The following ZDHHC2 variants were observed in gnomAD, a reference collection of about 807,000 sequenced individuals.
ZDHHC2 encodes palmitoyltransferase ZDHHC2.
ZDHHC2 carries 51 observed loss-of-function variants against 55.6 expected under a neutral mutation model. The ratio of observed to expected loss-of-function variants is 0.92; its 90% confidence interval spans 0.73 to 1.16. The LOEUF is 1.16. Among genes scored for constraint, ZDHHC2 ranks in the 50% most tolerant of loss-of-function variants. The pLI, the probability that ZDHHC2 is intolerant of heterozygous loss-of-function variation, is 0.00. For synonymous variants in ZDHHC2, 199 were observed against 152.9 expected, an observed-to-expected ratio of 1.30 and a Z score of -2.22; for missense variants, 491 against 442.4, an observed-to-expected ratio of 1.11 and a Z score of -0.99.
intron 3 of ZDHHC2, among the ~76,000 whole-genome samples, chr8:17,190,273 G>C (rs545507605): frequency 4.0e-4 from 61 of 151,682 alleles, no homozygotes; most frequent in African/African-American, 1.4e-3. Context: ...AAAAAGAAAA[G>C]AAAAGAATAT....
In ZDHHC2 at chr8:17,156,514, C is replaced by A; in HGVS notation, c.-210C>A. The A allele has an allele frequency of 5.2e-6, 1 of 190,868 alleles. No individual in the cohort carries two copies. The highest frequency in any genetic ancestry group is 1.6e-4 in the South Asian group (1 of 6,240). The allele number at this position is 190,868 out of a possible 1,614,324, so 11.8% of individuals were successfully genotyped here. ...CGGCCTCCGCTCGCAGCCGCCGCCT[C>A]CGCCTCCGCCGGGCTGAGGAGCCGG... On this transcript the variant is annotated 5_prime_UTR_variant, in exon 1 of 13. Transcript: ENST00000262096.
chr8:17,195,771 G>A (rs766107546), intron 4 of ZDHHC2, 147 bp downstream of exon 4: 2 of 1,128,246 alleles, frequency 1.8e-6, no homozygotes, highest in South Asian at 1.5e-5. Flanking sequence ...AATCTTTCCT[G>A]TGTGATTCCA....
chr8:17,196,401 C>T (rs1209750425), intron 4 of ZDHHC2, among the ~76,000 whole-genome samples: 1 of 151,890 alleles, frequency 6.6e-6, no homozygotes, highest in Non-Finnish European at 1.5e-5. Flanking sequence ...TAAAATATCT[C>T]ATTAATGAAC....
chr8:17,199,142 G>A (rs2904671), intron 6 of ZDHHC2, among the ~76,000 whole-genome samples: 96,237 of 151,958 alleles, frequency 0.63, 30,647 homozygotes, highest in East Asian at 0.78. Flanking sequence ...CATGCCCACA[G>A]GTCCACAGTA....
At chr8:17,188,472 C>T (rs1200318818) in intron 3 of ZDHHC2, among the ~76,000 whole-genome samples, 1 of 152,100 alleles carries the variant, frequency 6.6e-6, no homozygotes, top group Non-Finnish European at 1.5e-5. Flanking sequence ...ATTTCCTTTC[C>T]AAAATATTCT....
At chr8:17,178,517 T>C (rs976893809) in intron 1 of ZDHHC2, among the ~76,000 whole-genome samples, 1 of 152,240 alleles carries the variant, frequency 6.6e-6, no homozygotes, top group African/African-American at 2.4e-5. Flanking sequence ...TTGCAGTCCA[T>C]ACTTTCCCTG....
intron 3 of ZDHHC2, among the ~76,000 whole-genome samples, chr8:17,188,451 A>G (rs1332547560): frequency 1.3e-5 from 2 of 152,196 alleles, no homozygotes; most frequent in Non-Finnish European, 1.5e-5. Context: ...TCCTGTATAC[A>G]ACATGGCATT....
chr8:17,210,618 A>G (rs1807332622), intron 10 of ZDHHC2, 138 bp downstream of exon 10: 1 of 670,866 alleles, frequency 1.5e-6, no homozygotes, highest in Non-Finnish European at 2.4e-6. Flanking sequence ...AAATGAGGGA[A>G]AAAAGAAAGT....
At chr8:17,159,514 G>A (rs992569749) in intron 1 of ZDHHC2, among the ~76,000 whole-genome samples, 1 of 152,074 alleles carries the variant, frequency 6.6e-6, no homozygotes, top group African/African-American at 2.4e-5. Flanking sequence ...GCTTATCCTG[G>A]TATCCTTGGA....
chr8:17,192,940 T>C (rs1244463252), intron 3 of ZDHHC2, among the ~76,000 whole-genome samples: 2 of 152,214 alleles, frequency 1.3e-5, no homozygotes, highest in East Asian at 1.9e-4. Flanking sequence ...GATGTAAGGA[T>C]TTGTTTCTGG....
At chr8:17,156,914 G>C (rs181813734) in intron 1 of ZDHHC2, 61 bp downstream of exon 1, 11 of 1,418,042 alleles carry the variant, frequency 7.8e-6, no homozygotes, top group Non-Finnish European at 1.0e-5. Context: ...ACTGTCCCGG[G>C]ACGCTCAGCC....
chr8:17,169,389 G>C (rs1447475710), intron 1 of ZDHHC2, among the ~76,000 whole-genome samples: 1 of 152,142 alleles, frequency 6.6e-6, no homozygotes, highest in Non-Finnish European at 1.5e-5. Context: ...GGCATGCCCA[G>C]GGCAGAAAAC....
chr8:17,207,429 T>C (rs1469452448), intron 7 of ZDHHC2, among the ~76,000 whole-genome samples: 1 of 152,070 alleles, frequency 6.6e-6, no homozygotes, highest in Admixed American at 6.5e-5. Context: ...TGCTATTATT[T>C]AAGATAGCTT....
intron 3 of ZDHHC2, among the ~76,000 whole-genome samples, chr8:17,193,847 C>T (rs189250472): frequency 4.6e-4 from 70 of 152,196 alleles, no homozygotes; most frequent in Non-Finnish European, 7.4e-4. Context: ...TATACACGTG[C>T]CATGGTGATT....
intron 1 of ZDHHC2, among the ~76,000 whole-genome samples, chr8:17,164,548 G>T (rs899002340): frequency 2.4e-4 from 37 of 151,724 alleles, no homozygotes; most frequent in African/African-American, 9.0e-4. Context: ...CACCCCAGAG[G>T]AACAGAGTGG....
At chr8:17,183,586 G>A (rs552726144) in intron 1 of ZDHHC2, among the ~76,000 whole-genome samples, 6 of 152,290 alleles carry the variant, frequency 3.9e-5, no homozygotes, top group African/African-American at 9.6e-5. Flanking sequence ...CCACATCTAC[G>A]TTAGTAAGAG....
chr8:17,219,456 GGTATA>G (rs1563173820), intron 12 of ZDHHC2, among the ~76,000 whole-genome samples: 39 of 151,556 alleles, frequency 2.6e-4, no homozygotes, highest in African/African-American at 9.4e-4. Context: ...CCTATCATAT[GGTATA>G]AATAAAAAAT....
chr8:17,220,020 A>T (rs1455055363), intron 12 of ZDHHC2, among the ~76,000 whole-genome samples: 1 of 108,470 alleles, frequency 9.2e-6, no homozygotes, highest in Non-Finnish European at 1.9e-5. Flanking sequence ...GACCTACTGA[A>T]TCAGAGTCTG....
chr8:17,190,351 T>A (rs1374435120), intron 3 of ZDHHC2, among the ~76,000 whole-genome samples: 1 of 152,120 alleles, frequency 6.6e-6, no homozygotes, highest in African/African-American at 2.4e-5. Flanking sequence ...GGGAACATGA[T>A]CAAAAGAGTT....
Sources: gnomAD v4.1 joint callset for allele counts (sites outside exome capture counted in the v4.1 genomes callset) on GRCh38, gnomAD v4.1.1 for gene constraint, MANE v1.5 for transcripts, NCBI Gene and HGNC (gene_info 2026-07-23, HGNC 2026-07-21) for gene names.